The following PCDHGA3 variants were observed in gnomAD, a reference collection of about 807,000 sequenced individuals.
PCDHGA3 encodes the protein protocadherin gamma subfamily A, 3.
A neutral mutation model predicts 58.5 loss-of-function variants in PCDHGA3; 40 were observed. The observed-to-expected ratio is 0.68, with a 90% CI of 0.53 to 0.89. PCDHGA3 has a LOEUF of 0.89. Among genes scored for constraint, PCDHGA3 ranks in the 40% least tolerant of loss-of-function variants. The pLI, the probability that PCDHGA3 is intolerant of heterozygous loss-of-function variation, is 0.00. For synonymous variants in PCDHGA3, 530 were observed against 525.7 expected (o/e 1.01, Z -0.11); for missense variants, 1,223 against 1,195.9 (o/e 1.02, Z -0.33).
intron 1 of PCDHGA3, chr5:141,441,653 G>T: frequency 4.1e-6 from 1 of 243,884 alleles, no homozygotes; most frequent in Non-Finnish European, 8.2e-6. Context: ...GATTCTAGGT[G>T]TCCTTGAGCG....
At chr5:141,355,175 A>G (rs369875631) in intron 1 of PCDHGA3, 1 of 1,579,066 alleles carries the variant, frequency 6.3e-7, no homozygotes, top group African/African-American at 1.4e-5. Context: ...AAACCGAAGC[A>G]CAGGCGACTC....
chr5:141,351,013 C>A (rs767340665), intron 1 of PCDHGA3: 1 of 1,614,062 alleles, frequency 6.2e-7, no homozygotes, highest in East Asian at 2.2e-5. Flanking sequence ...TCCAAGAAAA[C>A]GTACCGTGGG....
chr5:141,408,870 G>A (rs780987841), intron 1 of PCDHGA3: 1 of 1,613,656 alleles, frequency 6.2e-7, no homozygotes, highest in South Asian at 1.1e-5. Context: ...CCACCAAGAA[G>A]TGCCACCGCT....
In PCDHGA3 at chr5:141,395,765, C is replaced by T. The variant is rs143173330; in HGVS notation, c.2424+49308C>T. The T allele has an allele frequency of 7.5e-4, 114 of 152,628 alleles. No homozygotes were observed. The Middle Eastern group carries it at 0.03, about 41-fold the overall frequency. 9.5% of individuals were successfully genotyped at this position (152,628 alleles called of 1,614,324 possible). Reference sequence around the variant, plus strand: ...TCTTTTCTGAGCCCTGTTTCTGTACCAGTGCCCTTCAAAACTTTAATACTT... The same window carrying T: ...TCTTTTCTGAGCCCTGTTTCTGTACTAGTGCCCTTCAAAACTTTAATACTT... On this transcript the variant is annotated intron_variant, in intron 1 of 3. Coordinates refer to ENST00000253812, the MANE Select transcript of PCDHGA3 (RefSeq NM_018916.4).
At chr5:141,410,413 T>C (rs1229133377) in intron 1 of PCDHGA3, 10 of 1,613,938 alleles carry the variant, frequency 6.2e-6, no homozygotes, top group Non-Finnish European at 8.5e-6. Context: ...AGTCTGGACC[T>C]GTAGTTCCCC....
intron 1 of PCDHGA3, chr5:141,361,915 G>T: frequency 6.2e-7 from 1 of 1,608,488 alleles, no homozygotes; most frequent in Non-Finnish European, 8.5e-7. Flanking sequence ...GGTGGTGGCG[G>T]TGGACGCAGA....
At chr5:141,365,299 T>TGGAG (rs1561533738) in intron 1 of PCDHGA3, 1 of 1,614,002 alleles carries the variant, frequency 6.2e-7, no homozygotes, top group South Asian at 1.1e-5. Context: ...TAGCTCAGGA[T>TGGAG]GGAGGCGCTC....
At chr5:141,422,950 G>A (rs1388735971) in intron 1 of PCDHGA3, 2 of 1,614,230 alleles carry the variant, frequency 1.2e-6, no homozygotes, top group South Asian at 1.1e-5. Flanking sequence ...CGGCTCCACT[G>A]GCGTGGAGCT....
At chr5:141,357,769 A>G (rs1051141357) in intron 1 of PCDHGA3, 13 of 952,774 alleles carry the variant, frequency 1.4e-5, no homozygotes, top group Middle Eastern at 3.0e-4. Flanking sequence ...TGACCTTCCA[A>G]TAATGATCAA....
intron 1 of PCDHGA3, among the ~76,000 whole-genome samples, chr5:141,445,554 C>T (rs898901856): frequency 3.3e-5 from 5 of 152,102 alleles, no homozygotes; most frequent in African/African-American, 1.2e-4. Context: ...TACAAAAGCA[C>T]TAAGAGAAAG....
intron 1 of PCDHGA3, chr5:141,410,314 C>T: frequency 6.2e-7 from 1 of 1,614,036 alleles, no homozygotes; most frequent in Non-Finnish European, 8.5e-7. Context: ...TGCTCTTCCT[C>T]CTCGCCGTGA....
chr5:141,463,266 T>G (rs933899476), intron 1 of PCDHGA3, among the ~76,000 whole-genome samples: 16 of 151,982 alleles, frequency 1.1e-4, no homozygotes, highest in African/African-American at 3.6e-4. Context: ...CTCTATCCCA[T>G]AAATTCTGGC....
At chr5:141,467,273 G>T (rs879618653) in intron 1 of PCDHGA3, among the ~76,000 whole-genome samples, 1 of 151,828 alleles carries the variant, frequency 6.6e-6, no homozygotes, top group Admixed American at 6.6e-5. Context: ...GGCTGGTCTC[G>T]AACTCTTGAC....
intron 1 of PCDHGA3, chr5:141,400,592 G>A: frequency 3.7e-6 from 6 of 1,603,194 alleles, no homozygotes; most frequent in Non-Finnish European, 5.1e-6. Flanking sequence ...TGAAACTATC[G>A]TACATTTTCA....
At chr5:141,395,398 T>A (rs976008795) in intron 1 of PCDHGA3, 8 of 863,662 alleles carry the variant, frequency 9.3e-6, no homozygotes, top group South Asian at 2.0e-5. Context: ...TGAACTCTAA[T>A]AGTCATAGGT....
At chr5:141,360,269 C>T (rs889254322) in intron 1 of PCDHGA3, 2 of 1,613,932 alleles carry the variant, frequency 1.2e-6, no homozygotes, top group East Asian at 2.2e-5. Context: ...GCCAAAAACT[C>T]GGTCGTAGGA....
At chr5:141,508,718 G>T (rs2099871076) in intron 3 of PCDHGA3, among the ~76,000 whole-genome samples, 1 of 151,852 alleles carries the variant, frequency 6.6e-6, no homozygotes, top group Non-Finnish European at 1.5e-5. Flanking sequence ...TTTTCTGTGT[G>T]CAGGGAGACT....
chr5:141,356,344 G>T, intron 1 of PCDHGA3: 1 of 1,555,242 alleles, frequency 6.4e-7, no homozygotes, highest in South Asian at 1.2e-5. Context: ...AAATGGCCTA[G>T]TCACATGTTC....
Position 141,432,667 on chromosome 5 carries a change from C to T in PCDHGA3, c.2425-62140C>T, listed in dbSNP as rs1312138743. ...CGGCGCGAGCCCTGCTGGACAGAGACGCGCTCAAGCAGAGCCTCGTAGTGG... is the reference window on the plus strand; with the variant it reads ...CGGCGCGAGCCCTGCTGGACAGAGATGCGCTCAAGCAGAGCCTCGTAGTGG... On this transcript the variant is annotated intron_variant, in intron 1 of 3. Transcript: ENST00000253812. This position sits in a 1 kb window ranked among gnomAD's most constrained non-coding sequence, Gnocchi z 6.0. The T allele has an allele frequency of 1.2e-6, 2 of 1,613,876 alleles. No individual in the cohort carries two copies. The highest frequency in any genetic ancestry group is 1.1e-5 in the South Asian group (1 of 91,066).
Sources: allele counts gnomAD v4.1 joint callset (sites outside exome capture counted in the v4.1 genomes callset), GRCh38; gene constraint gnomAD v4.1.1; non-coding constraint Gnocchi (gnomAD v3.1); transcripts MANE v1.5; gene names NCBI Gene and HGNC (gene_info 2026-07-23, HGNC 2026-07-21).